The following SAMD12 variants were observed in gnomAD, a reference collection of about 807,000 sequenced individuals.
SAMD12 encodes sterile alpha motif domain-containing protein 12.
A neutral mutation model predicts 15.0 loss-of-function variants in SAMD12; 9 were observed. The ratio of observed to expected loss-of-function variants is 0.60; its 90% CI spans 0.36 to 1.05. SAMD12 has a LOEUF of 1.05. SAMD12 is among the 50% of genes least tolerant of loss of function. SAMD12 has a pLI of 0.01. For synonymous variants in SAMD12, 86 were observed against 90.1 expected, an observed-to-expected ratio of 0.96 and a Z score of 0.25; for missense variants, 230 against 234.2, an observed-to-expected ratio of 0.98 and a Z score of 0.12.
At chr8:118,290,292 C>T (rs1814292524) in intron 4 of SAMD12, among the ~76,000 whole-genome samples, 2 of 152,144 alleles carry the variant, frequency 1.3e-5, no homozygotes, top group Non-Finnish European at 2.9e-5. Flanking sequence ...TCTCCAGCCT[C>T]ACAAGTTTAT....
intron 2 of SAMD12, among the ~76,000 whole-genome samples, chr8:118,571,553 T>C (rs1016831403): frequency 1.3e-5 from 2 of 152,156 alleles, no homozygotes; most frequent in Non-Finnish European, 2.9e-5. Flanking sequence ...AAAAGTGGTT[T>C]TGTGGGCCGG....
intron 2 of SAMD12, among the ~76,000 whole-genome samples, chr8:118,471,905 A>G (rs115912511): frequency 0.022 from 3,386 of 152,318 alleles, 115 homozygotes; most frequent in African/African-American, 0.077. Flanking sequence ...TAGAAAAAAC[A>G]AAACAAAACT....
intron 4 of SAMD12, among the ~76,000 whole-genome samples, chr8:118,252,216 T>C (rs1192167137): frequency 1.3e-5 from 2 of 152,178 alleles, no homozygotes; most frequent in Non-Finnish European, 2.9e-5. Flanking sequence ...CTTCTATGCC[T>C]GGTAAGAAAT....
chr8:118,616,093 G>GA (rs1828232639), intron 1 of SAMD12, among the ~76,000 whole-genome samples: 4 of 152,046 alleles, frequency 2.6e-5, no homozygotes, highest in South Asian at 2.1e-4. Context: ...ATAAAAATAA[G>GA]AAAAAAAGAT....
the SAMD12 span, among the ~76,000 whole-genome samples, chr8:118,137,466 T>C: frequency 6.6e-6 from 1 of 152,202 alleles, no homozygotes; most frequent in Non-Finnish European, 1.5e-5. Flanking sequence ...TTTCCTTTCA[T>C]TTTAGTTATA....
At chr8:118,597,417 T>C (rs188713536) in intron 1 of SAMD12, among the ~76,000 whole-genome samples, 2 of 152,204 alleles carry the variant, frequency 1.3e-5, no homozygotes, top group South Asian at 2.1e-4. Flanking sequence ...ACTCTGGTAA[T>C]GTCAGTGAGG....
intron 2 of SAMD12, among the ~76,000 whole-genome samples, chr8:118,550,161 T>G (rs918690671): frequency 1.3e-5 from 2 of 152,046 alleles, no homozygotes; most frequent in African/African-American, 4.8e-5. Context: ...ACATTCAGAT[T>G]CAGGAAACAC....
intron 2 of SAMD12, among the ~76,000 whole-genome samples, chr8:118,513,856 T>C (rs1825153876): frequency 6.6e-6 from 1 of 152,194 alleles, no homozygotes; most frequent in Non-Finnish European, 1.5e-5. Context: ...AAATGGGCAG[T>C]AGTGGGAATC....
At chr8:118,553,968 C>G (rs965464312) in intron 2 of SAMD12, among the ~76,000 whole-genome samples, 13 of 152,098 alleles carry the variant, frequency 8.5e-5, no homozygotes, top group East Asian at 3.8e-4. Context: ...AAATGCAAAT[C>G]AAAACCACAG....
At chr8:118,572,523 G>C (rs1827041194) in intron 2 of SAMD12, among the ~76,000 whole-genome samples, 1 of 152,136 alleles carries the variant, frequency 6.6e-6, no homozygotes, top group African/African-American at 2.4e-5. Flanking sequence ...CATAGTGGGA[G>C]GTAACTGAAT....
intron 2 of SAMD12, among the ~76,000 whole-genome samples, chr8:118,462,199 A>T (rs761567674): frequency 2.2e-4 from 34 of 152,244 alleles, no homozygotes; most frequent in Middle Eastern, 6.8e-3. Flanking sequence ...TGCACATCTG[A>T]TTATATGATT....
rs564048283 is a variant in SAMD12, at chr8:118,343,976, C to T, written c.433+35584G>A. On this transcript the variant is annotated intron_variant, in intron 4 of 4. Coordinates refer to the SAMD12 transcript ENST00000409003. ...GGATGTTGTAAAGACTGAGAATGTG[C>T]ATATATATATGGCACATAGTACATG... is the stretch of plus-strand genomic sequence containing the variant. 3.3e-5 allele frequency among the ~76,000 whole-genome samples: 5 copies of T among 152,208 alleles called. No homozygotes were observed. In the South Asian group the frequency reaches 8.3e-4, roughly 25 times the overall value.
intron 4 of SAMD12, among the ~76,000 whole-genome samples, chr8:118,217,293 C>A (rs925127548): frequency 6.6e-6 from 1 of 152,208 alleles, no homozygotes; most frequent in African/African-American, 2.4e-5. Context: ...TGAGCCACTG[C>A]GCCCGGGCCT....
At chr8:118,527,122 C>T (rs1018313422) in intron 2 of SAMD12, among the ~76,000 whole-genome samples, 1 of 152,214 alleles carries the variant, frequency 6.6e-6, no homozygotes, top group African/African-American at 2.4e-5. Flanking sequence ...CCCTTCTCTT[C>T]ATTCTCCCTG....
chr8:118,576,735 G>T (rs1056772751), intron 2 of SAMD12, among the ~76,000 whole-genome samples: 3 of 152,182 alleles, frequency 2.0e-5, no homozygotes, highest in African/African-American at 2.4e-5. Flanking sequence ...CTGGTCTTTA[G>T]GAGCTGTGGC....
the SAMD12 span, among the ~76,000 whole-genome samples, chr8:118,140,518 T>C: frequency 6.6e-6 from 1 of 152,078 alleles, no homozygotes; most frequent in African/African-American, 2.4e-5. Context: ...GCAATCCTCC[T>C]ACCTCAGTCT....
chr8:118,321,632 A>AAAGAG (rs60149511), intron 4 of SAMD12, among the ~76,000 whole-genome samples: 72,032 of 151,242 alleles, frequency 0.48, 19,121 homozygotes, highest in African/African-American at 0.74. Context: ...AAATGAAAAG[A>AAAGAG]AAAAGTTGTT....
chr8:118,462,353 C>G (rs898800815), intron 2 of SAMD12, among the ~76,000 whole-genome samples: 7 of 152,138 alleles, frequency 4.6e-5, no homozygotes, highest in African/African-American at 1.7e-4. Flanking sequence ...TTTGACAAGA[C>G]AACAGTAGTT....
At chr8:118,238,847 A>C (rs1420170734) in intron 4 of SAMD12, among the ~76,000 whole-genome samples, 1 of 152,150 alleles carries the variant, frequency 6.6e-6, no homozygotes, top group Middle Eastern at 3.2e-3. Flanking sequence ...ACACCAGTGG[A>C]CTATCACTCC....
Sources: allele counts gnomAD v4.1 joint callset (sites outside exome capture counted in the v4.1 genomes callset), GRCh38; gene constraint gnomAD v4.1.1; transcripts MANE v1.5; gene names NCBI Gene and HGNC (gene_info 2026-07-23, HGNC 2026-07-21).